STXBP4: variants seen among roughly 807,000 people sequenced by gnomAD.
STXBP4 encodes the protein syntaxin binding protein 4.
A neutral mutation model predicts 76.1 loss-of-function variants in STXBP4; 55 were observed. The ratio of observed to expected loss-of-function variants is 0.72; its 90% CI spans 0.58 to 0.91. The LOEUF (loss-of-function observed/expected upper bound fraction) is 0.91, where lower values mean the gene tolerates loss of function less well. Among genes scored for constraint, STXBP4 ranks in the 40% least tolerant of loss-of-function variants. The pLI, the probability that STXBP4 is intolerant of heterozygous loss-of-function variation, is 0.00. For missense variants in STXBP4, 618 were observed against 636.9 expected, an observed-to-expected ratio of 0.97 and a Z score of 0.32; for synonymous variants, 201 against 220.2, an observed-to-expected ratio of 0.91 and a Z score of 0.77.
chr17:55,105,819 A>C (rs138318821), intron 16 of STXBP4, among the ~76,000 whole-genome samples: 1,716 of 152,120 alleles, frequency 0.011, 32 homozygotes, highest in African/African-American at 0.039. Context: ...GTGGTCTGAG[A>C]GACTGTTTGT....
At chr17:55,037,857 A>T (rs914731509) in intron 10 of STXBP4, among the ~76,000 whole-genome samples, 3 of 152,192 alleles carry the variant, frequency 2.0e-5, no homozygotes, top group Non-Finnish European at 2.9e-5. Context: ...GTCTGAAGAA[A>T]CATTATAAAA....
intron 7 of STXBP4, among the ~76,000 whole-genome samples, chr17:55,002,469 T>C (rs2077937637): frequency 2.6e-5 from 4 of 152,214 alleles, no homozygotes; most frequent in Admixed American, 2.6e-4. Flanking sequence ...GGAAACATTC[T>C]AATTTATATG....
At chr17:55,071,395 C>T (rs1424863762) in intron 12 of STXBP4, among the ~76,000 whole-genome samples, 4 of 152,194 alleles carry the variant, frequency 2.6e-5, no homozygotes, top group Non-Finnish European at 2.9e-5. Flanking sequence ...CTCTACTACA[C>T]TGGCTTCCTT....
chr17:55,006,641 G>C lies in STXBP4; in HGVS notation c.575-865G>C, dbSNP rs189170309. Among the ~76,000 whole-genome samples, 97 of 152,248 alleles carry C rather than the reference G, an allele frequency of 6.4e-4. 2 individuals are homozygous for C. The highest frequency in any genetic ancestry group is 4.4e-4 in the Non-Finnish European group (30 of 67,996). ...AATCAGGGTATATTGAGAAGATGTA[G>C]AAAAATGGGTAAGAAGTGTATGACT... On this transcript the variant is annotated intron_variant, in intron 7 of 17. Coordinates refer to ENST00000376352, the MANE Select transcript of STXBP4 (RefSeq NM_178509.6).
At chr17:55,154,764 T>A (rs996108192) in intron 17 of STXBP4, among the ~76,000 whole-genome samples, 4 of 152,180 alleles carry the variant, frequency 2.6e-5, no homozygotes, top group Non-Finnish European at 4.4e-5. Flanking sequence ...AGTGTTTATC[T>A]TTTAGAAGTC....
chr17:54,999,537 A>G (rs1244303258), intron 5 of STXBP4, 86 bp downstream of exon 5: 1 of 1,443,682 alleles, frequency 6.9e-7, no homozygotes, highest in Non-Finnish European at 9.5e-7. Context: ...GTACTTTATA[A>G]TAAGTATTTT....
At chr17:55,112,152 T>C (rs1381191065) in intron 16 of STXBP4, among the ~76,000 whole-genome samples, 3 of 152,122 alleles carry the variant, frequency 2.0e-5, no homozygotes, top group Middle Eastern at 3.2e-3. Context: ...ACTCCTGGCC[T>C]TAAGTGATCC....
chr17:55,180,164 G>C, the STXBP4 span, among the ~76,000 whole-genome samples: 1 of 152,148 alleles, frequency 6.6e-6, no homozygotes. Context: ...ACTCAACAGA[G>C]TCATTATGAA....
chr17:55,041,424 C>T (rs1358327692), intron 10 of STXBP4, among the ~76,000 whole-genome samples: 2 of 151,878 alleles, frequency 1.3e-5, no homozygotes, highest in Non-Finnish European at 2.9e-5. Flanking sequence ...CATTATGTTG[C>T]CCAGGCTGAT....
the STXBP4 span, among the ~76,000 whole-genome samples, chr17:55,186,952 G>C: frequency 6.6e-6 from 1 of 152,210 alleles, no homozygotes; most frequent in East Asian, 1.9e-4. Context: ...AAAATAAAAA[G>C]AGCTCACTCT....
intron 16 of STXBP4, among the ~76,000 whole-genome samples, chr17:55,089,928 C>A (rs2079388688): frequency 6.6e-6 from 1 of 152,106 alleles, no homozygotes; most frequent in African/African-American, 2.4e-5. Context: ...CAAAAATCTT[C>A]AAAAGCACTA....
chr17:55,041,286 A>G (rs181307649), intron 10 of STXBP4, among the ~76,000 whole-genome samples: 69 of 142,062 alleles, frequency 4.9e-4, no homozygotes, highest in Non-Finnish European at 8.7e-4. Context: ...GCTGGAGTGC[A>G]GTGGTGCAAT....
chr17:55,072,857 T>G, intron 12 of STXBP4, 43 bp from the exon 13 acceptor site: 10 of 1,534,648 alleles, frequency 6.5e-6, no homozygotes, highest in Non-Finnish European at 7.9e-6. Flanking sequence ...TCGGAACTAT[T>G]TCTTATGTAT....
rs574081575 is a variant in STXBP4, at chr17:54,998,828, A to T, written c.181-517A>T. ...TAATGAGACCTCATCTCTACAAAAAATTTTGAAAATTTAATTTTTTTTTTT... is the reference window on the plus strand; with the variant it reads ...TAATGAGACCTCATCTCTACAAAAATTTTTGAAAATTTAATTTTTTTTTTT... On this transcript the variant is annotated intron_variant, in intron 4 of 17. Coordinates refer to ENST00000376352, the MANE Select transcript of STXBP4 (RefSeq NM_178509.6). Among the ~76,000 whole-genome samples, 222 of 133,788 alleles carry T rather than the reference A, an allele frequency of 1.7e-3. 7 individuals carry two copies. In the South Asian group the frequency reaches 0.061, roughly 37 times the overall value. The allele number at this position is 133,788 out of a possible 152,430, so 87.8% of individuals were successfully genotyped here.
At chr17:55,002,121 G>A (rs1003807817) in intron 7 of STXBP4, among the ~76,000 whole-genome samples, 11 of 152,198 alleles carry the variant, frequency 7.2e-5, no homozygotes, top group Admixed American at 1.3e-4. Flanking sequence ...GTCTCTGCAT[G>A]TACTGTATTT....
In STXBP4 at chr17:54,971,913, G is replaced by A. The variant is rs997918215; in HGVS notation, c.-157+3098G>A. Among the ~76,000 whole-genome samples the A allele has an allele frequency of 9.2e-5, 14 of 152,094 alleles. 1 individual carries two copies. Among genetic ancestry groups the A allele is most frequent in the Non-Finnish European group, 1.8e-4 (12 of 67,996 alleles). ...GCTGGGATTACAGGCATGAGCCACCGCACCCAGCCTTATCTTTCATGACTT... is the reference window on the plus strand; with the variant it reads ...GCTGGGATTACAGGCATGAGCCACCACACCCAGCCTTATCTTTCATGACTT... On this transcript the variant is annotated intron_variant, in intron 1 of 17. Coordinates refer to ENST00000376352, the MANE Select transcript of STXBP4 (RefSeq NM_178509.6).
chr17:54,988,073 A>G (rs73323214), intron 3 of STXBP4, among the ~76,000 whole-genome samples: 5,261 of 152,314 alleles, frequency 0.035, 281 homozygotes, highest in African/African-American at 0.12. Context: ...CTATGAACAT[A>G]TAAATTTATG....
intron 15 of STXBP4, among the ~76,000 whole-genome samples, chr17:55,079,599 A>C (rs1598293148): frequency 1.3e-4 from 1 of 7,578 alleles, no homozygotes. Flanking sequence ...CTATCTCTAC[A>C]AAAAAAAAAA....
At chr17:55,029,849 A>G (rs1195176788) in intron 8 of STXBP4, among the ~76,000 whole-genome samples, 4 of 152,076 alleles carry the variant, frequency 2.6e-5, no homozygotes, top group Admixed American at 2.6e-4. Flanking sequence ...TATTTCATTT[A>G]TCTATCACCT....
Sources: gnomAD v4.1 joint callset for allele counts (sites outside exome capture counted in the v4.1 genomes callset) on GRCh38, gnomAD v4.1.1 for gene constraint, MANE v1.5 for transcripts, NCBI Gene and HGNC (gene_info 2026-07-23, HGNC 2026-07-21) for gene names.